Variants in DNAH10 observed in about 807,000 individuals in gnomAD.
The protein encoded by DNAH10 is dynein axonemal heavy chain 10, also known as axonemal beta dynein heavy chain 10.
In DNAH10, 348 loss-of-function variants were observed where a neutral mutation model predicts 506.6. That is an observed-to-expected ratio of 0.69 (90% CI 0.63 to 0.75). The LOEUF (loss-of-function observed/expected upper bound fraction) is 0.75, where lower values mean the gene tolerates loss of function less well. Among genes scored for constraint, DNAH10 ranks in the 30% least tolerant of loss-of-function variants. DNAH10 has a pLI of 0.00. For synonymous variants in DNAH10, 2,059 were observed against 2,198.6 expected, an observed-to-expected ratio of 0.94 and a Z score of 1.78; for missense variants, 5,179 against 5,787.1, an observed-to-expected ratio of 0.89 and a Z score of 3.41.
In DNAH10 at chr12:123,848,900, C is replaced by G; in HGVS notation, c.6102+18C>G. 6.2e-7 allele frequency: 1 copy of G among 1,612,154 alleles called. No homozygotes were observed. Among genetic ancestry groups the G allele is most frequent in the South Asian group, 1.1e-5 (1 of 90,606 alleles). ...CGTTCCAGGTGAGACACATGAAGCCCCCGGGACCATGTCCCTAGGATGGAA... is the reference window on the plus strand; with the variant it reads ...CGTTCCAGGTGAGACACATGAAGCCGCCGGGACCATGTCCCTAGGATGGAA... On this transcript the variant is annotated intron_variant, in intron 34 of 78. Transcript: ENST00000673944.
At position 123,848,796 on chromosome 12, in the gene DNAH10, C is replaced by T. The variant is rs746055783; in HGVS notation, c.6016C>T (p.Arg2006Ter). The change falls in exon 34 of 79, where the codon CGA (arginine) becomes TGA (stop). Residue 2006 changes from arginine (R) to a stop codon, truncating the protein, a stop_gained. Coordinates refer to ENST00000673944, the MANE Select transcript of DNAH10 (RefSeq NM_001372106.1). LOFTEE classifies it high-confidence loss of function. ...GAWGCFDEFNRIDASVLSVIS... is the reference protein window; with the variant it reads ...GAWGCFDEFN Reference sequence around the variant, plus strand: ...TTGGGGCTGCTTTGATGAGTTTAATCGAATCGATGCTTCTGTGCTCTCCGT... The same window carrying T: ...TTGGGGCTGCTTTGATGAGTTTAATTGAATCGATGCTTCTGTGCTCTCCGT... The T allele has an allele frequency of 4.9e-5, 79 of 1,613,732 alleles. No homozygotes were observed. Among genetic ancestry groups the T allele is most frequent in the East Asian group, 2.0e-4 (9 of 44,894 alleles).
In DNAH10 at chr12:123,814,824, A is replaced by G. The variant is rs190975255; in HGVS notation, c.3780+912A>G. On this transcript the variant is annotated intron_variant, in intron 21 of 78. Transcript: ENST00000673944. Reference sequence around the variant, plus strand: ...AGTAGAGACAGGGTTTTACTATGTTAGCCAGGATGGTCTCGATCTCCTGAC... The same window carrying G: ...AGTAGAGACAGGGTTTTACTATGTTGGCCAGGATGGTCTCGATCTCCTGAC... 2.4e-4 allele frequency among the ~76,000 whole-genome samples: 36 copies of G among 152,096 alleles called. 2 individuals carry two copies. The East Asian group carries it at 6.0e-3, about 25-fold the overall frequency.
chr12:123,933,238 G>A (rs935748623), intron 76 of DNAH10, 93 bp from the exon 77 acceptor site: 2 of 1,232,756 alleles, frequency 1.6e-6, no homozygotes, highest in South Asian at 2.3e-5. Context: ...GGTGAAATAT[G>A]TCTTTTATCA....
At chr12:123,892,274 G>C (rs1953018685) in intron 52 of DNAH10, among the ~76,000 whole-genome samples, 1 of 152,230 alleles carries the variant, frequency 6.6e-6, no homozygotes, top group Admixed American at 6.5e-5. Flanking sequence ...TTACAGTCAT[G>C]GCAGAAGGTG....
chr12:123,791,683 C>A (rs1461649040), intron 11 of DNAH10, among the ~76,000 whole-genome samples: 1 of 152,018 alleles, frequency 6.6e-6, no homozygotes, highest in Non-Finnish European at 1.5e-5. Flanking sequence ...CTCAAGTGAT[C>A]CTTCCGCCTC....
rs770119583 is a variant in DNAH10, at chr12:123,933,433, C to T, written c.13399C>T (p.Pro4467Ser). The change falls in exon 77 of 79, where the codon CCA (proline) becomes TCA (serine). Residue 4467 changes from proline to serine, a missense_variant. By Grantham distance (74) the Pro-to-Ser change is moderately conservative. Transcript: ENST00000673944. ...VQATCRKNGW[P>S]LDRSTLFTQV... is the part of the protein sequence containing the mutation. Reference sequence around the variant, plus strand: ...GGCCACCTGCCGGAAGAACGGCTGGCCACTGGACCGCTCCACCTTGTTCAC... The same window carrying T: ...GGCCACCTGCCGGAAGAACGGCTGGTCACTGGACCGCTCCACCTTGTTCAC... The T allele has an allele frequency of 6.8e-6, 11 of 1,612,534 alleles. No individual in the cohort carries two copies. The highest frequency in any genetic ancestry group is 5.0e-5 in the Admixed American group (3 of 59,970).
intron 4 of DNAH10, among the ~76,000 whole-genome samples, chr12:123,773,690 A>G (rs1957338433): frequency 1.3e-5 from 2 of 152,154 alleles, no homozygotes; most frequent in African/African-American, 4.8e-5. Context: ...GTCTCTTCCT[A>G]TAGGGACACC....
At chr12:123,900,411 G>A (rs1054354597) in intron 56 of DNAH10, among the ~76,000 whole-genome samples, 1 of 152,172 alleles carries the variant, frequency 6.6e-6, no homozygotes, top group African/African-American at 2.4e-5. Flanking sequence ...GAAACCGAAT[G>A]AGACTCAACC....
At position 123,839,660 on chromosome 12, in the gene DNAH10, C is replaced by T. The variant is rs930534563; in HGVS notation, c.5136+971C>T. On this transcript the variant is annotated intron_variant, in intron 29 of 78. Transcript: ENST00000673944. ...ATTCATACTTCCTCTATTTTCTTTTCTATTTTTTTTTTTTTTTTTTGAGAC... is the reference window on the plus strand; with the variant it reads ...ATTCATACTTCCTCTATTTTCTTTTTTATTTTTTTTTTTTTTTTTTGAGAC... 1.5e-3 allele frequency among the ~76,000 whole-genome samples: 167 copies of T among 113,622 alleles called. 1 individual carries two copies. Among genetic ancestry groups the T allele is most frequent in the Middle Eastern group, 4.5e-3 (1 of 220 alleles). The allele number at this position is 113,622 out of a possible 152,430, so 74.5% of individuals were successfully genotyped here.
chr12:123,894,976 C>G (rs1953152847), intron 54 of DNAH10, among the ~76,000 whole-genome samples: 1 of 152,202 alleles, frequency 6.6e-6, no homozygotes, highest in South Asian at 2.1e-4. Context: ...GTTGGCAAAA[C>G]CATGGTCTGC....
intron 43 of DNAH10, among the ~76,000 whole-genome samples, chr12:123,870,015 G>A (rs553945839): frequency 6.6e-6 from 1 of 152,220 alleles, no homozygotes; most frequent in Non-Finnish European, 1.5e-5. Context: ...CAACTGCAAG[G>A]GTAGGGACCA....
At position 123,897,947 on chromosome 12, in the gene DNAH10, A is replaced by C. The variant is rs1243439200; in HGVS notation, c.9458A>C (p.Glu3153Ala). 1.3e-6 allele frequency: 2 copies of C among 1,596,990 alleles called. No individual in the cohort carries two copies. The highest frequency in any genetic ancestry group is 2.7e-5 in the African/African-American group (2 of 73,882). ...FINTYSKLLD[E>A]KTQCNIAQCK... The stretch of plus-strand genomic sequence containing the variant: ...AACACCTATTCAAAATTGCTGGATG[A>C]GAAAACTCAGTGTAATATAGGTAAG... Residue 3153 changes from glutamate (E) to alanine (A), a missense_variant, in exon 55 of 79, where the codon GAG becomes GCG. Glu to Ala is a moderately radical substitution (Grantham distance 107, BLOSUM62 -1). This residue lies in a region of DNAH10 where 4,844 missense variants were observed against 5,430.5 expected (regional missense o/e 0.89). Transcript: ENST00000673944.
In DNAH10 at chr12:123,848,058, G is replaced by T. The variant is rs766967012; in HGVS notation, c.5912G>T (p.Cys1971Phe). ...KDLAKALGLL[C>F]VVTNCGEGMD... ...CTGGCGAAAGCCTTGGGCTTGCTCTGTGTTGTCACCAACTGTGGCGAAGGC... is the reference window on the plus strand; with the variant it reads ...CTGGCGAAAGCCTTGGGCTTGCTCTTTGTTGTCACCAACTGTGGCGAAGGC... The change falls in exon 33 of 79, where the codon TGT becomes TTT. Residue 1971 changes from cysteine (C) to phenylalanine (F), a missense_variant. Transcript: ENST00000673944. The T allele has an allele frequency of 5.0e-6, 8 of 1,613,944 alleles. No homozygotes were observed. Among genetic ancestry groups the T allele is most frequent in the Non-Finnish European group, 6.8e-6 (8 of 1,179,842 alleles).
At chr12:123,773,211 A>G (rs1957323394) in intron 4 of DNAH10, among the ~76,000 whole-genome samples, 2 of 152,364 alleles carry the variant, frequency 1.3e-5, no homozygotes, top group African/African-American at 4.8e-5. Flanking sequence ...TTGTGAAATA[A>G]TGGCTTCAGT....
chr12:123,799,296 CAG>C lies in DNAH10; in HGVS notation c.2216_2217del (p.Arg739LysfsTer3), dbSNP rs1565917207. The C allele has an allele frequency of 3.1e-6, 5 of 1,613,612 alleles. No homozygotes were observed. The Admixed American group carries it at 6.7e-5, about 22-fold the overall frequency. On this transcript the variant is annotated frameshift_variant, in exon 14 of 79. Transcript: ENST00000673944. LOFTEE classifies it high-confidence loss of function. ...GTAGGACAATGAAGGAGTATGAAGA[CAG>C]AAAGTATGAGCAGTGGATGGAGGTG... ...VGRTMKEYED[R>X]KYEQWMEVTE...
At chr12:123,849,937 C>G (rs1330967165) in intron 34 of DNAH10, among the ~76,000 whole-genome samples, 1 of 152,110 alleles carries the variant, frequency 6.6e-6, no homozygotes, top group African/African-American at 2.4e-5. Context: ...TGACTGCTCC[C>G]GAGAGAGGGA....
rs185091217 is a variant in DNAH10 at position 123,830,595 on chromosome 12, G to A, written c.4441G>A (p.Glu1481Lys). 4.0e-4 allele frequency: 640 copies of A among 1,613,650 alleles called. 3 individuals are homozygous for A. The highest frequency in any genetic ancestry group is 3.8e-3 in the Admixed American group (226 of 59,946). The change falls in exon 26 of 79, where the codon GAA (glutamate) becomes AAA (lysine). Residue 1481 changes from glutamate to lysine, a missense_variant. Glu to Lys is a moderately conservative substitution (Grantham distance 56). Transcript: ENST00000673944. ...EKTSVFFEMT[E>K]TFTLENMFAM... ...AACGTCTGTCTTTTTTGAAATGACC[G>A]AAACGTTCACCTTGGAAAATATGTT... is the stretch of plus-strand genomic sequence containing the variant.
chr12:123,868,054 A>C lies in DNAH10; in HGVS notation c.7454A>C (p.Lys2485Thr), dbSNP rs1187853226. The change falls in exon 43 of 79, where the codon AAA becomes ACA. Residue 2485 changes from lysine (K) to threonine (T), a missense_variant. By Grantham distance (78) the Lys-to-Thr change is moderately conservative. Around this residue, in one of 3 missense-constraint regions of DNAH10, gnomAD observed 4,844 missense variants for 5,430.5 expected, o/e 0.89. Transcript: ENST00000673944. ...DGRMKFDEYIKRLASLSTVDT... is the reference protein window; with the variant it reads ...DGRMKFDEYITRLASLSTVDT... Reference sequence around the variant, plus strand: ...AGGATGAAATTTGACGAATATATCAAACGCCTTGCTTCTTTGTCTACTGTT... The same window carrying C: ...AGGATGAAATTTGACGAATATATCACACGCCTTGCTTCTTTGTCTACTGTT... 1 of 1,613,978 alleles carries C rather than the reference A, an allele frequency of 6.2e-7. No homozygotes were observed. Among genetic ancestry groups the C allele is most frequent in the Non-Finnish European group, 8.5e-7 (1 of 1,179,890 alleles).
rs940015621 is a variant in DNAH10, at chr12:123,850,102, G to A, written c.6103-786G>A. Among the ~76,000 whole-genome samples the A allele has an allele frequency of 2.6e-5, 4 of 152,126 alleles. No homozygotes were observed. The highest frequency in any genetic ancestry group is 5.9e-5 in the Non-Finnish European group (4 of 68,030). On this transcript the variant is annotated intron_variant, in intron 34 of 78. Transcript: ENST00000673944. The surrounding 1 kb of genome is among the most constrained non-coding windows in gnomAD (Gnocchi z 5.5). ...GTCTCAGGGCCGACCTATGAGTCAA[G>A]GCAGTGGCCTTGTTTTGGGGGAGGC...
Sources: gnomAD v4.1 joint callset for allele counts (sites outside exome capture counted in the v4.1 genomes callset) on GRCh38, gnomAD v4.1.1 for gene constraint, gnomAD v4.1.1 regional missense constraint, Gnocchi (gnomAD v3.1) non-coding constraint, MANE v1.5 for transcripts, NCBI Gene and HGNC (gene_info 2026-07-23, HGNC 2026-07-21) for gene names.